TFDP1: variants seen among roughly 807,000 people sequenced by gnomAD.
TFDP1 encodes transcription factor Dp-1.
In TFDP1, 6 loss-of-function variants were observed where a neutral mutation model predicts 48.0. The observed-to-expected ratio is 0.13, with a 90% CI of 0.07 to 0.25. TFDP1 has a LOEUF of 0.25. Ranked by LOEUF, TFDP1 falls within the 10% of genes least tolerant of loss-of-function variation. The pLI, the probability that TFDP1 is intolerant of heterozygous loss-of-function variation, is 1.00. For synonymous variants in TFDP1, 201 were observed against 211.6 expected (o/e 0.95, Z 0.44); for missense variants, 335 against 543.0 (o/e 0.62, Z 3.81).
intron 2 of TFDP1, among the ~76,000 whole-genome samples, chr13:113,604,854 G>A (rs2048526056): frequency 6.6e-6 from 1 of 152,210 alleles, no homozygotes; most frequent in Non-Finnish European, 1.5e-5. Context: ...AGGAATGGAG[G>A]CTGAGGGTCT....
rs763213846 is a variant in TFDP1, at chr13:113,623,214, C to T, written c.114C>T (p.Thr38=). The T allele has an allele frequency of 3.7e-5, 60 of 1,613,518 alleles. No homozygotes were observed. In the South Asian group the frequency reaches 4.5e-4, roughly 12 times the overall value. ...VVSLVAVHPS[T]VNPLGKQLLP... Reference sequence around the variant, plus strand: ...CCCTCGTGGCCGTTCACCCCTCCACCGTCAACCCGCTCGGGAAGCAGCTCT... The same window carrying T: ...CCCTCGTGGCCGTTCACCCCTCCACTGTCAACCCGCTCGGGAAGCAGCTCT... The change falls in exon 4 of 12, where the codon ACC becomes ACT. Residue 38 remains threonine, a synonymous_variant. Transcript: ENST00000375370. The surrounding 1 kb of genome is among the most constrained non-coding windows in gnomAD (Gnocchi z 5.2).
At chr13:113,630,665 T>C (rs937105941) in intron 4 of TFDP1, among the ~76,000 whole-genome samples, 9 of 152,224 alleles carry the variant, frequency 5.9e-5, no homozygotes, top group Non-Finnish European at 1.0e-4. Flanking sequence ...TGAGAAATAG[T>C]GTTTCCAGTT....
intron 3 of TFDP1, among the ~76,000 whole-genome samples, chr13:113,615,405 C>T (rs1237593941): frequency 6.6e-6 from 1 of 152,196 alleles, no homozygotes; most frequent in Non-Finnish European, 1.5e-5. Flanking sequence ...CTGCCCCTGT[C>T]TGAGGGTGAC....
chr13:113,637,667 C>T (rs773521272), intron 10 of TFDP1, 151 bp from the exon 11 acceptor site: 50 of 1,544,066 alleles, frequency 3.2e-5, no homozygotes, highest in South Asian at 1.2e-5. Context: ...TGCTCCGTGG[C>T]GCAGTGTGGA....
At chr13:113,597,064 AC>A in intron 2 of TFDP1, among the ~76,000 whole-genome samples, 1 of 151,382 alleles carries the variant, frequency 6.6e-6, no homozygotes, top group East Asian at 2.0e-4. Context: ...CCCTCTGGAT[AC>A]CCCCTGTCTG....
At chr13:113,602,662 G>A (rs2048467491) in intron 2 of TFDP1, among the ~76,000 whole-genome samples, 1 of 152,196 alleles carries the variant, frequency 6.6e-6, no homozygotes, top group Non-Finnish European at 1.5e-5. Flanking sequence ...TTTTATGGCT[G>A]TTGCGTAGGC....
chr13:113,632,041 G>T (rs1449033341), intron 5 of TFDP1: 1 of 403,710 alleles, frequency 2.5e-6, no homozygotes, highest in South Asian at 3.2e-5. Context: ...AGCTGGCCTC[G>T]TACTCGCCAC....
chr13:113,625,439 A>ACGTGTCCT (rs1315252301), intron 4 of TFDP1, among the ~76,000 whole-genome samples: 12 of 109,100 alleles, frequency 1.1e-4, no homozygotes, highest in African/African-American at 3.2e-4. Context: ...GGTGTCTCTC[A>ACGTGTCCT]CATGTCCTCA....
chr13:113,602,986 AC>A lies in TFDP1; in HGVS notation c.13-8009del, dbSNP rs1244702341. The stretch of plus-strand genomic sequence containing the variant: ...TAGTTGAGCTAAAAAAAAAAAAAAA[AC>A]GTATAATTTACAAATTTGTGTTGGG... On this transcript the variant is annotated intron_variant, in intron 2 of 11. Transcript: ENST00000375370. 1.5e-4 allele frequency among the ~76,000 whole-genome samples: 7 copies of A among 45,564 alleles called. No homozygotes were observed. The East Asian group carries it at 2.2e-3, about 14-fold the overall frequency. 29.9% of individuals were successfully genotyped at this position (45,564 alleles called of 152,430 possible).
rs1237533763 is a variant in TFDP1 at position 113,634,951 on chromosome 13, G to C, written c.687+349G>C. Among the ~76,000 whole-genome samples, 4 of 152,204 alleles carry C rather than the reference G, an allele frequency of 2.6e-5. No homozygotes were observed. In the East Asian group the frequency reaches 7.7e-4, roughly 29 times the overall value. On this transcript the variant is annotated intron_variant, in intron 8 of 11. Transcript: ENST00000375370. ...CATGTGTGCATACATGTGTATGTGT[G>C]TATCTCTCGTCACAGCATCTAAATA...
At chr13:113,636,267 T>G (rs1045261637) in intron 9 of TFDP1, 139 bp downstream of exon 9, 2 of 1,250,864 alleles carry the variant, frequency 1.6e-6, no homozygotes, top group Non-Finnish European at 1.1e-6. Context: ...CATTGGGGGG[T>G]GGTGGGAGGC....
At chr13:113,626,691 C>T (rs1211977768) in intron 4 of TFDP1, among the ~76,000 whole-genome samples, 1 of 152,204 alleles carries the variant, frequency 6.6e-6, no homozygotes, top group African/African-American at 2.4e-5. Context: ...AGCCCTACCA[C>T]GTCATACGGC....
intron 4 of TFDP1, among the ~76,000 whole-genome samples, chr13:113,630,918 A>G (rs1287889389): frequency 6.6e-6 from 1 of 152,128 alleles, no homozygotes; most frequent in Non-Finnish European, 1.5e-5. Flanking sequence ...TTCCCCCCAG[A>G]GGGGCCCAGG....
intron 2 of TFDP1, among the ~76,000 whole-genome samples, chr13:113,610,626 C>T (rs1365726788): frequency 2.6e-5 from 4 of 151,814 alleles, no homozygotes; most frequent in African/African-American, 9.7e-5. Flanking sequence ...TGTGCCGTCA[C>T]ACGTGTGTCC....
At position 113,598,432 on chromosome 13, in the gene TFDP1, C is replaced by T. The variant is rs1345893484; in HGVS notation, c.13-12564C>T. 6.6e-6 allele frequency among the ~76,000 whole-genome samples: 1 copy of T among 152,164 alleles called. No individual in the cohort carries two copies. The highest frequency in any genetic ancestry group is 1.5e-5 in the Non-Finnish European group (1 of 68,028). The stretch of plus-strand genomic sequence containing the variant: ...AGCAGCCTCTCCTGGGAGAGGGATG[C>T]TGGGTGCCTGCCTTCCAAGTGTCTG... On this transcript the variant is annotated intron_variant, in intron 2 of 11. Coordinates refer to ENST00000375370, the MANE Select transcript of TFDP1 (RefSeq NM_007111.5). This position sits in a 1 kb window ranked among gnomAD's most constrained non-coding sequence, Gnocchi z 4.2.
chr13:113,619,001 G>C (rs1282545162), intron 3 of TFDP1, among the ~76,000 whole-genome samples: 1 of 152,204 alleles, frequency 6.6e-6, no homozygotes, highest in Non-Finnish European at 1.5e-5. Context: ...GGCCCTGGGA[G>C]TTGCACACAG....
At chr13:113,606,755 A>G (rs1334787611) in intron 2 of TFDP1, among the ~76,000 whole-genome samples, 1 of 152,200 alleles carries the variant, frequency 6.6e-6, no homozygotes, top group African/African-American at 2.4e-5. Context: ...CTTTATGGAA[A>G]GGAGAGTTTG....
intron 3 of TFDP1, among the ~76,000 whole-genome samples, chr13:113,612,395 C>T (rs550607512): frequency 1.3e-5 from 2 of 152,352 alleles, no homozygotes; most frequent in African/African-American, 2.4e-5. Flanking sequence ...GCAGGTCCTT[C>T]CCTGCCGCTT....
chr13:113,590,562 TAAG>T (rs2048114962), intron 2 of TFDP1, among the ~76,000 whole-genome samples: 1 of 152,206 alleles, frequency 6.6e-6, no homozygotes. Context: ...CATTTGAGGT[TAAG>T]AAGGTTGTCA....
Sources: gnomAD v4.1 joint callset for allele counts (sites outside exome capture counted in the v4.1 genomes callset) on GRCh38, gnomAD v4.1.1 for gene constraint, Gnocchi (gnomAD v3.1) non-coding constraint, MANE v1.5 for transcripts, NCBI Gene and HGNC (gene_info 2026-07-23, HGNC 2026-07-21) for gene names.